Variants in KCNQ1OT1 observed in about 807,000 individuals in gnomAD.
KCNQ1OT1 encodes the protein KCNQ1 antisense RNA 2 (non-protein coding).
At chr11:2,622,680 C>G (rs184738543) in exon 1 of KCNQ1OT1, 20 of 398,494 alleles carry the variant, frequency 5.0e-5, no homozygotes, top group African/African-American at 3.3e-4. Context: ...TTATGATTCT[C>G]TATTCGATTG....
At chr11:2,609,730 C>A in exon 1 of KCNQ1OT1, 1 of 398,294 alleles carries the variant, frequency 2.5e-6, no homozygotes, top group South Asian at 1.3e-4. Context: ...TGTTTATAAT[C>A]ATTGTATCTT....
Position 2,664,116 on chromosome 11 carries a change from C to A in KCNQ1OT1, n.35879G>T. On this transcript the variant is annotated non_coding_transcript_exon_variant, in exon 1 of 1. Coordinates refer to ENST00000597346, the Ensembl canonical transcript of KCNQ1OT1. The surrounding 1 kb of genome is among the most constrained non-coding windows in gnomAD (Gnocchi z 5.1). ...ACTCCAGTCATTACCCAACCAGGTC[C>A]CTGCCCTGTAACTTACCAAGGCCTC... The A allele has an allele frequency of 2.5e-6, 1 of 398,676 alleles. No homozygotes were observed. Among genetic ancestry groups the A allele is most frequent in the Non-Finnish European group, 4.4e-6 (1 of 226,124 alleles). The allele number at this position is 398,676 out of a possible 1,614,324, so 24.7% of individuals were successfully genotyped here.
chr11:2,620,209 A>ATTT lies in KCNQ1OT1; in HGVS notation n.79785_79786insAAA. ...CGTAAGTTCATTCATGTATATATAT[A>ATTT]TATTTTTTTTTTTTATTTTTTTTTT... is the stretch of plus-strand genomic sequence containing the variant. On this transcript the variant is annotated non_coding_transcript_exon_variant, in exon 1 of 1. Coordinates refer to ENST00000597346, the Ensembl canonical transcript of KCNQ1OT1. This position sits in a 1 kb window ranked among gnomAD's most constrained non-coding sequence, Gnocchi z 4.5. 1 of 301,868 alleles carries ATTT rather than the reference A, an allele frequency of 3.3e-6. No individual in the cohort carries two copies. The allele number at this position is 301,868 out of a possible 1,614,324, so 18.7% of individuals were successfully genotyped here. A position where few individuals can be genotyped will look rare whatever the true frequency, so the allele number is the denominator to read the frequency against.
chr11:2,616,056 A>T, exon 1 of KCNQ1OT1: 1 of 398,064 alleles, frequency 2.5e-6, no homozygotes, highest in Admixed American at 4.4e-5. Flanking sequence ...TCTGCTCATA[A>T]TTTCAATTTC....
chr11:2,667,865 A>T (rs1364154519), exon 1 of KCNQ1OT1: 6 of 398,596 alleles, frequency 1.5e-5, no homozygotes, highest in African/African-American at 4.1e-5. Context: ...ATGCACACAG[A>T]TTAGTACACA....
Position 2,674,908 on chromosome 11 carries a change from G to A in KCNQ1OT1, n.25087C>T, listed in dbSNP as rs140951826. 1,749 of 395,194 alleles carry A rather than the reference G, an allele frequency of 4.4e-3. 25 individuals are homozygous for A. The highest frequency in any genetic ancestry group is 0.034 in the African/African-American group (1,596 of 47,494). The allele number at this position is 395,194 out of a possible 1,614,324, so 24.5% of individuals were successfully genotyped here. A position where few individuals can be genotyped will look rare whatever the true frequency, so the allele number is the denominator to read the frequency against. On this transcript the variant is annotated non_coding_transcript_exon_variant, in exon 1 of 1. Transcript: ENST00000597346. This position sits in a 1 kb window ranked among gnomAD's most constrained non-coding sequence, Gnocchi z 5.9. ...AGGGTCTGAAAAGTCCTTTGTGTTA[G>A]CTCCAGCTGCAGAGTTTTTCCAGGC...
exon 1 of KCNQ1OT1, chr11:2,686,412 G>A (rs1031880351): frequency 1.3e-5 from 5 of 398,508 alleles, no homozygotes; most frequent in African/African-American, 6.2e-5. Context: ...AGGATATTGT[G>A]GATACCTATG....
exon 1 of KCNQ1OT1, chr11:2,656,207 C>G (rs1372208808): frequency 2.5e-6 from 1 of 398,334 alleles, no homozygotes; most frequent in Non-Finnish European, 4.4e-6. Flanking sequence ...AAAATTGAAT[C>G]CTGGATGAAG....
In KCNQ1OT1 at chr11:2,653,095, G is replaced by C; in HGVS notation, n.46900C>G. ...ATCCTCATACAGCAGGGTGTGGAGA[G>C]AGGCTCACTGAAGGTTTGGGGAGAT... On this transcript the variant is annotated non_coding_transcript_exon_variant, in exon 1 of 1. Coordinates refer to ENST00000597346, the Ensembl canonical transcript of KCNQ1OT1. The surrounding 1 kb of genome is among the most constrained non-coding windows in gnomAD (Gnocchi z 5.3). 2.5e-6 allele frequency: 1 copy of C among 398,726 alleles called. No homozygotes were observed. Among genetic ancestry groups the C allele is most frequent in the Non-Finnish European group, 4.4e-6 (1 of 226,126 alleles). 24.7% of individuals were successfully genotyped at this position (398,726 alleles called of 1,614,324 possible).
chr11:2,610,552 T>C (rs1848963306), exon 1 of KCNQ1OT1: 2 of 398,354 alleles, frequency 5.0e-6, no homozygotes, highest in African/African-American at 4.1e-5. Flanking sequence ...TTTGGATATA[T>C]GTGAACTTCC....
chr11:2,636,241 G>A (rs1007264747), exon 1 of KCNQ1OT1: 4 of 152,300 alleles, frequency 2.6e-5, no homozygotes, highest in East Asian at 1.9e-4. Flanking sequence ...AGTGGTGAGA[G>A]AGGGCATCCC....
Position 2,627,519 on chromosome 11 carries a change from T to C in KCNQ1OT1, n.72476A>G. ...TCCGTTTCTCTGAGTTCAAGCTTTT[T>C]AGAATTCCATATGTAACTGGGATAG... On this transcript the variant is annotated non_coding_transcript_exon_variant, in exon 1 of 1. Transcript: ENST00000597346. The surrounding 1 kb of genome is among the most constrained non-coding windows in gnomAD (Gnocchi z 4.9). The C allele has an allele frequency of 2.5e-6, 1 of 398,574 alleles. No individual in the cohort carries two copies. The highest frequency in any genetic ancestry group is 4.4e-6 in the Non-Finnish European group (1 of 226,050). The allele number at this position is 398,574 out of a possible 1,614,324, so 24.7% of individuals were successfully genotyped here. A position where few individuals can be genotyped will look rare whatever the true frequency, so the allele number is the denominator to read the frequency against.
exon 1 of KCNQ1OT1, chr11:2,662,196 T>C (rs993726534): frequency 9.6e-5 from 136 of 1,421,588 alleles, no homozygotes; most frequent in Non-Finnish European, 1.2e-4. Flanking sequence ...ACTCGCCTAG[T>C]GCCCACCACT....
In KCNQ1OT1 at chr11:2,677,556, G is replaced by A; in HGVS notation, n.22439C>T. ...CCAAGTATAAAAGATGCCCTCAGAT[G>A]TTACCATATAATGCTTTACAAAAGA... On this transcript the variant is annotated non_coding_transcript_exon_variant, in exon 1 of 1. Transcript: ENST00000597346. This position sits in a 1 kb window ranked among gnomAD's most constrained non-coding sequence, Gnocchi z 4.5. The A allele has an allele frequency of 2.5e-6, 1 of 398,490 alleles. No homozygotes were observed. The highest frequency in any genetic ancestry group is 4.4e-6 in the Non-Finnish European group (1 of 226,044). 24.7% of individuals were successfully genotyped at this position (398,490 alleles called of 1,614,324 possible). A position where few individuals can be genotyped will look rare whatever the true frequency, so the allele number is the denominator to read the frequency against.
At position 2,676,244 on chromosome 11, in the gene KCNQ1OT1, C is replaced by T; in HGVS notation, n.23751G>A. 2.5e-6 allele frequency: 1 copy of T among 398,644 alleles called. No individual in the cohort carries two copies. The highest frequency in any genetic ancestry group is 4.4e-6 in the Non-Finnish European group (1 of 226,066). The allele number at this position is 398,644 out of a possible 1,614,324, so 24.7% of individuals were successfully genotyped here. A position where few individuals can be genotyped will look rare whatever the true frequency, so the allele number is the denominator to read the frequency against. ...AATGCTGATTTATTATGGTGCAGTA[C>T]ATCTGAGAAGCATTTTTATTGCAAA... On this transcript the variant is annotated non_coding_transcript_exon_variant, in exon 1 of 1. Coordinates refer to ENST00000597346, the Ensembl canonical transcript of KCNQ1OT1. The surrounding 1 kb of genome is among the most constrained non-coding windows in gnomAD (Gnocchi z 4.2).
Position 2,613,712 on chromosome 11 carries a change from A to G in KCNQ1OT1, n.86283T>C. The G allele has an allele frequency of 2.5e-6, 1 of 398,550 alleles. No homozygotes were observed. The highest frequency in any genetic ancestry group is 4.4e-6 in the Non-Finnish European group (1 of 226,048). The allele number at this position is 398,550 out of a possible 1,614,324, so 24.7% of individuals were successfully genotyped here. ...TGTTAATTTTATTTTTTGAATACAT[A>G]TAACATTAACATACTTCCAAAAGTC... is the stretch of plus-strand genomic sequence containing the variant. On this transcript the variant is annotated non_coding_transcript_exon_variant, in exon 1 of 1. Coordinates refer to ENST00000597346, the Ensembl canonical transcript of KCNQ1OT1. This position sits in a 1 kb window ranked among gnomAD's most constrained non-coding sequence, Gnocchi z 4.8.
chr11:2,644,497 G>T (rs1849636309), exon 1 of KCNQ1OT1: 5 of 397,966 alleles, frequency 1.3e-5, no homozygotes, highest in Admixed American at 4.4e-5. Flanking sequence ...TGATTTCTTT[G>T]TATAGTCTAT....
exon 1 of KCNQ1OT1, chr11:2,648,981 CTTTTTTTTTTT>C: frequency 7.0e-5 from 22 of 313,730 alleles, no homozygotes; most frequent in Admixed American, 3.0e-4. Context: ...TTTTCTTTTT[CTTTTTTTTTTT>C]TTTTTTTTTT....
chr11:2,632,131 C>T (rs1005376731), exon 1 of KCNQ1OT1: 10 of 386,150 alleles, frequency 2.6e-5, no homozygotes, highest in Non-Finnish European at 4.0e-5. Context: ...TGCAGTGAGC[C>T]GAGATCGCGC....
Sources: gnomAD v4.1 joint callset for allele counts on GRCh38, gnomAD v4.1.1 for gene constraint, Gnocchi (gnomAD v3.1) non-coding constraint, MANE v1.5 for transcripts, NCBI Gene and HGNC (gene_info 2026-07-23, HGNC 2026-07-21) for gene names.